The following ADAMTSL3 variants were observed in gnomAD, a reference collection of about 807,000 sequenced individuals.
The protein encoded by ADAMTSL3 is ADAMTS like 3.
Under a neutral mutation model 201.7 loss-of-function variants are expected in ADAMTSL3, and 128 were observed. The observed-to-expected ratio is 0.63, with a 90% CI of 0.55 to 0.73. ADAMTSL3 has a LOEUF of 0.73. Among genes scored for constraint, ADAMTSL3 ranks in the 30% least tolerant of loss-of-function variants. ADAMTSL3 has a pLI of 0.00. For synonymous variants in ADAMTSL3, 738 were observed against 748.4 expected (o/e 0.99, Z 0.23); for missense variants, 1,990 against 2,119.6 (o/e 0.94, Z 1.20).
rs1324819607 is a variant in ADAMTSL3 at position 84,036,966 on chromosome 15, T to C, written c.4948T>C (p.Cys1650Arg). The change falls in exon 29 of 30, where the codon TGT becomes CGT. Residue 1650 changes from cysteine (C) to arginine (R), a missense_variant. By Grantham distance (180) the Cys-to-Arg change is radical. Coordinates refer to ENST00000286744, the MANE Select transcript of ADAMTSL3 (RefSeq NM_207517.3). ...AAAGAAACCAATTTCCTGGCGGCACTGTCTTGGGCCCTCCTGTGATAGTAC... is the reference window on the plus strand; with the variant it reads ...AAAGAAACCAATTTCCTGGCGGCACCGTCTTGGGCCCTCCTGTGATAGTAC... The part of the protein sequence containing the change: ...QKKKPISWRH[C>R]LGPSCDRDCT... The C allele has an allele frequency of 3.1e-6, 5 of 1,613,958 alleles. No individual in the cohort carries two copies. Among genetic ancestry groups the C allele is most frequent in the Admixed American group, 3.3e-5 (2 of 59,978 alleles).
chr15:83,852,154 C>A (rs1038090399), intron 7 of ADAMTSL3, among the ~76,000 whole-genome samples: 4 of 151,972 alleles, frequency 2.6e-5, no homozygotes, highest in Non-Finnish European at 4.4e-5. Context: ...GCTCTGTCGC[C>A]CAGGCTGGTG....
At chr15:84,027,083 AAAT>A (rs2068324340) in intron 27 of ADAMTSL3, among the ~76,000 whole-genome samples, 2 of 152,184 alleles carry the variant, frequency 1.3e-5, no homozygotes, top group Non-Finnish European at 2.9e-5. Flanking sequence ...ATAAAAACAC[AAAT>A]AAACTATCAG....
intron 15 of ADAMTSL3, among the ~76,000 whole-genome samples, chr15:83,906,449 G>T (rs1444358519): frequency 6.6e-6 from 1 of 152,034 alleles, no homozygotes; most frequent in African/African-American, 2.4e-5. Flanking sequence ...TTCCTCATCT[G>T]TAAAATCAGG....
chr15:83,977,257 C>T (rs754180673), intron 20 of ADAMTSL3, among the ~76,000 whole-genome samples: 2 of 151,848 alleles, frequency 1.3e-5, no homozygotes, highest in Non-Finnish European at 2.9e-5. Context: ...CCCCCAATCC[C>T]CACCCCGACA....
At chr15:83,858,893 CA>C (rs959764432) in intron 8 of ADAMTSL3, 53 bp downstream of exon 8, 141 of 1,410,232 alleles carry the variant, frequency 1.0e-4, no homozygotes, top group South Asian at 2.3e-4. Flanking sequence ...TTTAGTTAGC[CA>C]AAAAAAACAA....
At chr15:83,749,834 A>G (rs1344808424) in intron 3 of ADAMTSL3, among the ~76,000 whole-genome samples, 4 of 152,210 alleles carry the variant, frequency 2.6e-5, no homozygotes, top group African/African-American at 4.8e-5. Context: ...CTGAGTTCTC[A>G]TTCAAGCTCT....
At chr15:83,676,025 T>C (rs2061400022) in intron 2 of ADAMTSL3, among the ~76,000 whole-genome samples, 1 of 152,124 alleles carries the variant, frequency 6.6e-6, no homozygotes, top group Admixed American at 6.5e-5. Flanking sequence ...AGCTTATTGT[T>C]TTGTTGATCT....
intron 3 of ADAMTSL3, among the ~76,000 whole-genome samples, chr15:83,738,959 A>AATAAC: frequency 6.6e-6 from 1 of 151,782 alleles, no homozygotes; most frequent in African/African-American, 2.4e-5. Flanking sequence ...AAAAAAATAA[A>AATAAC]ATAAAATAAA....
chr15:84,033,427 G>A (rs927477388), intron 28 of ADAMTSL3, among the ~76,000 whole-genome samples: 4 of 152,164 alleles, frequency 2.6e-5, no homozygotes, highest in African/African-American at 4.8e-5. Flanking sequence ...TTGGGAGGCT[G>A]AGGCAGGCAG....
intron 27 of ADAMTSL3, among the ~76,000 whole-genome samples, chr15:84,028,466 G>T (rs565347337): frequency 6.6e-6 from 1 of 152,074 alleles, no homozygotes; most frequent in African/African-American, 2.4e-5. Context: ...CAAATTAATA[G>T]GTATTATTAT....
At chr15:83,666,907 T>A (rs2061255197) in intron 2 of ADAMTSL3, among the ~76,000 whole-genome samples, 1 of 152,020 alleles carries the variant, frequency 6.6e-6, no homozygotes, top group Non-Finnish European at 1.5e-5. Context: ...ATGCCCCATT[T>A]TTCTATGAGA....
chr15:83,983,393 G>T, intron 21 of ADAMTSL3, 49 bp downstream of exon 21: 3 of 1,223,544 alleles, frequency 2.5e-6, no homozygotes, highest in African/African-American at 1.5e-5. Flanking sequence ...CCTTCTTAAT[G>T]GCTATTCCAG....
intron 3 of ADAMTSL3, among the ~76,000 whole-genome samples, chr15:83,763,256 A>G (rs1052340076): frequency 2.6e-5 from 4 of 152,348 alleles, no homozygotes; most frequent in Admixed American, 6.5e-5. Context: ...TACAGAGGCC[A>G]GGAAAATAAT....
intron 3 of ADAMTSL3, among the ~76,000 whole-genome samples, chr15:83,753,880 C>T (rs920390270): frequency 4.6e-5 from 7 of 152,140 alleles, no homozygotes; most frequent in African/African-American, 7.2e-5. Context: ...ATGTGATAAA[C>T]GAAAGTGAAG....
chr15:83,959,315 G>C (rs1184708118), intron 19 of ADAMTSL3, among the ~76,000 whole-genome samples: 1 of 152,158 alleles, frequency 6.6e-6, no homozygotes, highest in East Asian at 1.9e-4. Flanking sequence ...TGTAATCTCA[G>C]TTACTCGGGA....
chr15:83,717,983 CG>C (rs1424371400), intron 3 of ADAMTSL3, among the ~76,000 whole-genome samples: 1 of 151,924 alleles, frequency 6.6e-6, no homozygotes, highest in East Asian at 1.9e-4. Flanking sequence ...CTTGAAAATC[CG>C]TATTCTTGAT....
At chr15:83,882,134 C>T (rs558956537) in intron 9 of ADAMTSL3, among the ~76,000 whole-genome samples, 6 of 150,886 alleles carry the variant, frequency 4.0e-5, no homozygotes, top group African/African-American at 7.3e-5. Flanking sequence ...CCAGCCTGGG[C>T]GACAGAGCGA....
chr15:83,891,262 A>G, intron 11 of ADAMTSL3, 67 bp from the exon 12 acceptor site: 3 of 1,307,486 alleles, frequency 2.3e-6, no homozygotes, highest in Non-Finnish European at 1.1e-6. Flanking sequence ...CAAATATTAT[A>G]TTCGTCAATT....
chr15:83,674,575 T>C (rs1309485081), intron 2 of ADAMTSL3, among the ~76,000 whole-genome samples: 3 of 151,408 alleles, frequency 2.0e-5, no homozygotes, highest in Non-Finnish European at 4.4e-5. Context: ...AAAATTATTT[T>C]AACTCTTCTA....
Sources: gnomAD v4.1 joint callset for allele counts (sites outside exome capture counted in the v4.1 genomes callset) on GRCh38, gnomAD v4.1.1 for gene constraint, MANE v1.5 for transcripts, NCBI Gene and HGNC (gene_info 2026-07-23, HGNC 2026-07-21) for gene names.